CCSER2: variants seen among roughly 807,000 people sequenced by gnomAD.
CCSER2 encodes coiled-coil serine rich protein 2.
Under a neutral mutation model 92.3 loss-of-function variants are expected in CCSER2, and 46 were observed. That is an observed-to-expected ratio of 0.50 (90% CI 0.39 to 0.64). The LOEUF (loss-of-function observed/expected upper bound fraction) is 0.64, where lower values mean the gene tolerates loss of function less well. CCSER2 is among the 30% of genes least tolerant of loss of function. The probability of loss-of-function intolerance (pLI) is 0.00; values close to 1 mark genes in which losing one functional copy is unlikely to be tolerated. For missense variants in CCSER2, 1,244 were observed against 1,238.9 expected, an observed-to-expected ratio of 1.00 and a Z score of -0.06; for synonymous variants, 433 against 431.4, an observed-to-expected ratio of 1.00 and a Z score of -0.04.
chr10:84,408,744 C>T (rs1589578653), intron 3 of CCSER2, among the ~76,000 whole-genome samples: 1 of 152,170 alleles, frequency 6.6e-6, no homozygotes, highest in African/African-American at 2.4e-5. Context: ...ACTTAGAGCA[C>T]AACACTATAT....
At chr10:84,511,174 ATTC>A (rs968366014) in intron 9 of CCSER2, among the ~76,000 whole-genome samples, 1 of 152,210 alleles carries the variant, frequency 6.6e-6, no homozygotes, top group Non-Finnish European at 1.5e-5. Flanking sequence ...ACATTTTGTT[ATTC>A]TTTAAAAACT....
intron 6 of CCSER2, among the ~76,000 whole-genome samples, chr10:84,457,294 T>TTATATATAATATATA (rs1845737231): frequency 1.9e-4 from 10 of 51,492 alleles, no homozygotes. Flanking sequence ...TATTATATAT[T>TTATATATAATATATA]ATATATAATA....
chr10:84,415,753 GGATCA>G (rs1842858603), intron 3 of CCSER2, among the ~76,000 whole-genome samples: 2 of 152,326 alleles, frequency 1.3e-5, no homozygotes, highest in East Asian at 3.9e-4. Flanking sequence ...CCAGCAGACT[GGATCA>G]GCTGAGTTGA....
intron 3 of CCSER2, chr10:84,391,031 T>G: frequency 3.9e-6 from 3 of 776,070 alleles, no homozygotes; most frequent in Non-Finnish European, 4.8e-6. Context: ...TTAGGAACAT[T>G]AGCAGATTCA....
At chr10:84,335,549 T>C (rs959014587) in intron 1 of CCSER2, among the ~76,000 whole-genome samples, 16 of 152,062 alleles carry the variant, frequency 1.1e-4, no homozygotes, top group African/African-American at 3.6e-4. Context: ...TGGCCCTGCT[T>C]TTCTTTAAAA....
intron 3 of CCSER2, among the ~76,000 whole-genome samples, chr10:84,390,656 ATGT>A (rs540813061): frequency 1.7e-3 from 258 of 152,312 alleles, no homozygotes; most frequent in Non-Finnish European, 2.8e-3. Context: ...ATTGACCAAA[ATGT>A]TGTTATATGG....
At chr10:84,455,210 A>G (rs989991951) in intron 6 of CCSER2, 7 of 176,604 alleles carry the variant, frequency 4.0e-5, no homozygotes, top group Non-Finnish European at 6.1e-5. Context: ...AGTCTTTTTC[A>G]ACCTGAGCCA....
Position 84,425,675 on chromosome 10 carries a change from T to C in CCSER2, c.1706-56T>C, listed in dbSNP as rs1843390774. ...GCATTTAATTATCAAGCTATAAGAG[T>C]CAACTTTTATGGAGTATGTACATGT... On this transcript the variant is annotated intron_variant, in intron 4 of 9. Transcript: ENST00000372088. 5 of 1,241,190 alleles carry C rather than the reference T, an allele frequency of 4.0e-6. No individual in the cohort carries two copies. The Admixed American group carries it at 8.1e-5, about 20-fold the overall frequency. The allele number at this position is 1,241,190 out of a possible 1,614,324, so 76.9% of individuals were successfully genotyped here.
At chr10:84,386,309 A>G (rs1391099228) in intron 3 of CCSER2, among the ~76,000 whole-genome samples, 1 of 152,268 alleles carries the variant, frequency 6.6e-6, no homozygotes, top group Non-Finnish European at 1.5e-5. Flanking sequence ...CACAATAAAT[A>G]TAAATTATCA....
intron 6 of CCSER2, among the ~76,000 whole-genome samples, chr10:84,445,500 A>C (rs1375502507): frequency 1.3e-5 from 2 of 152,198 alleles, no homozygotes; most frequent in Non-Finnish European, 2.9e-5. Context: ...TTCTTAACAA[A>C]GTGTAATATA....
At chr10:84,413,504 C>G (rs1280024000) in intron 3 of CCSER2, among the ~76,000 whole-genome samples, 1 of 151,930 alleles carries the variant, frequency 6.6e-6, no homozygotes, top group Non-Finnish European at 1.5e-5. Flanking sequence ...CACTATGGTC[C>G]AAGAGACTGT....
intron 1 of CCSER2, among the ~76,000 whole-genome samples, chr10:84,347,096 G>A (rs903383351): frequency 1.3e-5 from 2 of 152,172 alleles, no homozygotes; most frequent in African/African-American, 2.4e-5. Context: ...ACATGGTTGC[G>A]GGTAAGGTCA....
At chr10:84,480,055 T>C (rs1451535172) in intron 9 of CCSER2, among the ~76,000 whole-genome samples, 1 of 152,138 alleles carries the variant, frequency 6.6e-6, no homozygotes, top group African/African-American at 2.4e-5. Flanking sequence ...AGTTATTTAA[T>C]TTATTTTGAG....
intron 9 of CCSER2, among the ~76,000 whole-genome samples, chr10:84,508,362 T>C (rs1849175815): frequency 6.6e-6 from 1 of 152,210 alleles, no homozygotes; most frequent in Admixed American, 6.5e-5. Flanking sequence ...CATTGTACTG[T>C]TACTGGTTAT....
At chr10:84,486,920 A>G (rs1324559902) in intron 9 of CCSER2, among the ~76,000 whole-genome samples, 3 of 152,178 alleles carry the variant, frequency 2.0e-5, no homozygotes, top group African/African-American at 4.8e-5. Context: ...TAATTTTTGT[A>G]TAAGGTATAA....
At chr10:84,496,576 C>T (rs926382736) in intron 9 of CCSER2, among the ~76,000 whole-genome samples, 10 of 151,912 alleles carry the variant, frequency 6.6e-5, no homozygotes, top group Admixed American at 2.6e-4. Flanking sequence ...TGAGCCACCG[C>T]GCCCGGCCTT....
chr10:84,367,537 T>C (rs1383471545), intron 1 of CCSER2, among the ~76,000 whole-genome samples: 1 of 151,970 alleles, frequency 6.6e-6, no homozygotes, highest in Non-Finnish European at 1.5e-5. Context: ...CCACCATGCC[T>C]GGCTAATTCT....
At chr10:84,352,115 A>G (rs1463760251) in intron 1 of CCSER2, among the ~76,000 whole-genome samples, 2 of 152,078 alleles carry the variant, frequency 1.3e-5, no homozygotes, top group East Asian at 3.9e-4. Flanking sequence ...CCTGGCCAAC[A>G]TGGTGAAACC....
intron 3 of CCSER2, chr10:84,390,875 C>G: frequency 3.1e-6 from 2 of 650,400 alleles, no homozygotes; most frequent in East Asian, 5.5e-5. Flanking sequence ...TATAAATATT[C>G]TAAGACCTTA....
Sources: allele counts gnomAD v4.1 joint callset (sites outside exome capture counted in the v4.1 genomes callset), GRCh38; gene constraint gnomAD v4.1.1; transcripts MANE v1.5; gene names NCBI Gene and HGNC (gene_info 2026-07-23, HGNC 2026-07-21).